EIF2AK4: variants seen among roughly 807,000 people sequenced by gnomAD.
EIF2AK4 encodes eIF-2-alpha kinase GCN2.
Under a neutral mutation model 211.1 loss-of-function variants are expected in EIF2AK4, and 139 were observed. The ratio of observed to expected loss-of-function variants is 0.66; its 90% CI spans 0.57 to 0.76. The LOEUF (loss-of-function observed/expected upper bound fraction) is 0.76. Among genes scored for constraint, EIF2AK4 ranks in the 30% least tolerant of loss-of-function variants. The probability of loss-of-function intolerance (pLI) is 0.00; values close to 1 mark genes in which losing one functional copy is unlikely to be tolerated. For missense variants in EIF2AK4, 1,664 were observed against 2,043.8 expected (o/e 0.81, Z 3.58); for synonymous variants, 710 against 751.3 (o/e 0.94, Z 0.90).
intron 32 of EIF2AK4, among the ~76,000 whole-genome samples, chr15:40,023,433 A>G (rs1743022043): frequency 6.6e-6 from 1 of 152,200 alleles, no homozygotes; most frequent in African/African-American, 2.4e-5. Context: ...TTTCTGTAAG[A>G]TACTGTATAC....
At chr15:39,967,225 G>C in intron 8 of EIF2AK4, 119 bp from the exon 9 acceptor site, 1 of 1,180,046 alleles carries the variant, frequency 8.5e-7, no homozygotes, top group Non-Finnish European at 1.1e-6. Context: ...TTCACTTTTG[G>C]TTTTGGTTTT....
intron 9 of EIF2AK4, among the ~76,000 whole-genome samples, chr15:39,972,147 T>G (rs1257440082): frequency 1.3e-5 from 2 of 151,912 alleles, no homozygotes; most frequent in Non-Finnish European, 2.9e-5. Context: ...TTGTTTGAGC[T>G]CAGGAGTTGG....
intron 18 of EIF2AK4, among the ~76,000 whole-genome samples, chr15:39,993,082 A>G (rs1312097023): frequency 3.3e-5 from 5 of 150,730 alleles, no homozygotes; most frequent in African/African-American, 9.7e-5. Context: ...CCATTCATCC[A>G]TCCATCCATC....
intron 13 of EIF2AK4, 126 bp downstream of exon 13, chr15:39,978,273 A>G (rs1044715940): frequency 4.4e-6 from 2 of 452,064 alleles, no homozygotes; most frequent in African/African-American, 4.0e-5. Context: ...AAATTTTAAA[A>G]GATGATTATT....
intron 7 of EIF2AK4, among the ~76,000 whole-genome samples, chr15:39,962,488 G>T (rs1176016666): frequency 2.6e-5 from 4 of 152,112 alleles, no homozygotes. Flanking sequence ...ACAGGGTGTT[G>T]CTCCATCACT....
At chr15:39,953,426 A>G (rs1382863216) in intron 4 of EIF2AK4, among the ~76,000 whole-genome samples, 2 of 152,240 alleles carry the variant, frequency 1.3e-5, no homozygotes, top group Admixed American at 1.3e-4. Context: ...AGGTGATTGA[A>G]GAATGGCAGG....
Position 39,934,175 on chromosome 15 carries a change from T to A in EIF2AK4, c.-21T>A, listed in dbSNP as rs1402511156. 2 of 1,415,720 alleles carry A rather than the reference T, an allele frequency of 1.4e-6. No homozygotes were observed. Among genetic ancestry groups the A allele is most frequent in the Non-Finnish European group, 1.8e-6 (2 of 1,086,378 alleles). 87.7% of individuals were successfully genotyped at this position (1,415,720 alleles called of 1,614,324 possible). Reference sequence around the variant, plus strand: ...CACCGCCGCCCAGGCAAGGCCGCCCTGCCTTGGGCGCAGCGCTGCCATGGC... The same window carrying A: ...CACCGCCGCCCAGGCAAGGCCGCCCAGCCTTGGGCGCAGCGCTGCCATGGC... On this transcript the variant is annotated 5_prime_UTR_variant, in exon 1 of 39. Coordinates refer to ENST00000263791, the MANE Select transcript of EIF2AK4 (RefSeq NM_001013703.4).
chr15:39,945,727 T>G (rs2034218503), intron 3 of EIF2AK4, among the ~76,000 whole-genome samples: 1 of 152,254 alleles, frequency 6.6e-6, no homozygotes, highest in African/African-American at 2.4e-5. Flanking sequence ...CAAAGCCTTA[T>G]GAAAGGACAG....
At chr15:40,006,889 T>C (rs1172467871) in intron 23 of EIF2AK4, 127 bp from the exon 24 acceptor site, 2 of 667,430 alleles carry the variant, frequency 3.0e-6, no homozygotes, top group Admixed American at 5.7e-5. Flanking sequence ...GTGAATACAC[T>C]AAAAGCCACT....
At chr15:39,963,947 CG>C in intron 7 of EIF2AK4, among the ~76,000 whole-genome samples, 1 of 152,266 alleles carries the variant, frequency 6.6e-6, no homozygotes. Context: ...ATGTAAATAA[CG>C]TCTTACTCCA....
chr15:39,994,552 TGA>T (rs1374907559), intron 18 of EIF2AK4, among the ~76,000 whole-genome samples: 2 of 152,160 alleles, frequency 1.3e-5, no homozygotes, highest in African/African-American at 4.8e-5. Context: ...GGGGCTGCAG[TGA>T]GCTGTGATCA....
chr15:40,008,125 A>G lies in EIF2AK4; in HGVS notation c.3506A>G (p.Asn1169Ser), dbSNP rs904836566. ...TTTGATATTGTCACTTCTACCACCA[A>G]CAGCTTTCTGCCCACTGCTGAAATT... ...CAFDIVTSTT[N>S]SFLPTAEIIY... Residue 1169 changes from asparagine to serine, a missense_variant, in exon 25 of 39, where the codon AAC (asparagine) becomes AGC (serine). Physicochemically the swap from Asn to Ser is conservative, Grantham distance 46 (BLOSUM62 1). Coordinates refer to ENST00000263791, the MANE Select transcript of EIF2AK4 (RefSeq NM_001013703.4). 4 of 1,612,496 alleles carry G rather than the reference A, an allele frequency of 2.5e-6. No individual in the cohort carries two copies. The highest frequency in any genetic ancestry group is 3.4e-6 in the Non-Finnish European group (4 of 1,179,392).
At chr15:40,019,724 C>T (rs928912650) in intron 30 of EIF2AK4, among the ~76,000 whole-genome samples, 4 of 152,174 alleles carry the variant, frequency 2.6e-5, no homozygotes, top group African/African-American at 9.7e-5. Context: ...AATTTTCTTC[C>T]ATGAAACCAG....
At position 39,987,090 on chromosome 15, in the gene EIF2AK4, CAT is replaced by C. The variant is rs1199282929; in HGVS notation, c.2404-891_2404-890del. Among the ~76,000 whole-genome samples the C allele has an allele frequency of 3.3e-5, 5 of 152,310 alleles. No homozygotes were observed. In the East Asian group the frequency reaches 9.6e-4, roughly 29 times the overall value. ...GGAGCTGGTTTTAGGTATTCCGTAA[CAT>C]AAATATCTTTGAGGTACCACTTACA... On this transcript the variant is annotated intron_variant, in intron 14 of 38. Coordinates refer to ENST00000263791, the MANE Select transcript of EIF2AK4 (RefSeq NM_001013703.4).
At chr15:39,996,452 C>T (rs1595417618) in intron 18 of EIF2AK4, among the ~76,000 whole-genome samples, 2 of 152,192 alleles carry the variant, frequency 1.3e-5, no homozygotes, top group Admixed American at 6.5e-5. Flanking sequence ...TGCCTGTAAT[C>T]CCAGCACTTT....
At chr15:39,993,083 TCCATCCATCCATCCATCCATCCAC>T in intron 18 of EIF2AK4, among the ~76,000 whole-genome samples, 1 of 111,204 alleles carries the variant, frequency 9.0e-6, no homozygotes, top group Non-Finnish European at 2.3e-5. Context: ...CATTCATCCA[TCCATCCATCCATCCATCCATCCAC>T]CCACCCATCC....
intron 11 of EIF2AK4, among the ~76,000 whole-genome samples, chr15:39,975,760 T>A (rs1295078130): frequency 6.6e-6 from 1 of 152,234 alleles, no homozygotes; most frequent in African/African-American, 2.4e-5. Context: ...GGGCAGTGAT[T>A]GTGTTAATAG....
chr15:39,976,937 C>CTTCT (rs1415821596), intron 12 of EIF2AK4, 93 bp downstream of exon 12: 1 of 1,352,490 alleles, frequency 7.4e-7, no homozygotes, highest in South Asian at 1.7e-5. Context: ...TCCTTCCTTC[C>CTTCT]TTCTTTCCTT....
chr15:39,971,448 T>C (rs1016702033), intron 9 of EIF2AK4, among the ~76,000 whole-genome samples: 3 of 152,088 alleles, frequency 2.0e-5, no homozygotes, highest in Non-Finnish European at 4.4e-5. Flanking sequence ...CGCTTGAACC[T>C]GGGAGGTAGA....
Sources: allele counts gnomAD v4.1 joint callset (sites outside exome capture counted in the v4.1 genomes callset), GRCh38; gene constraint gnomAD v4.1.1; transcripts MANE v1.5; gene names NCBI Gene and HGNC (gene_info 2026-07-23, HGNC 2026-07-21).